The following ARHGAP26 variants were observed in gnomAD, a reference collection of about 807,000 sequenced individuals.
ARHGAP26 encodes Rho GTPase activating protein 26.
ARHGAP26 carries 38 observed loss-of-function variants against 104.8 expected under a neutral mutation model. The observed-to-expected ratio is 0.36, with a 90% confidence interval of 0.28 to 0.48. The LOEUF (loss-of-function observed/expected upper bound fraction) is 0.48. Ranked by LOEUF, ARHGAP26 falls within the 20% of genes least tolerant of loss-of-function variation. ARHGAP26 has a pLI of 0.99. For synonymous variants in ARHGAP26, 341 were observed against 340.0 expected (o/e 1.00, Z -0.03); for missense variants, 704 against 947.9 (o/e 0.74, Z 3.38).
At chr5:142,798,297 C>T (rs1490561332) in intron 1 of ARHGAP26, among the ~76,000 whole-genome samples, 1 of 152,216 alleles carries the variant, frequency 6.6e-6, no homozygotes, top group East Asian at 1.9e-4. Flanking sequence ...TGCTCATGTG[C>T]CTCCTCTATC....
Position 143,222,355 on chromosome 5 carries a change from C to T in ARHGAP26, c.2192-3C>T, listed in dbSNP as rs1367674023. The T allele has an allele frequency of 1.3e-6, 2 of 1,589,364 alleles. No homozygotes were observed. Among genetic ancestry groups the T allele is most frequent in the East Asian group, 4.5e-5 (2 of 44,610 alleles). On this transcript the variant is annotated splice_polypyrimidine_tract_variant and splice_region_variant and intron_variant, in intron 22 of 22. Coordinates refer to ENST00000645722, the MANE Select transcript of ARHGAP26 (RefSeq NM_001135608.3). ...TCTCGCTTTCTCTCCCCTTCCTGTACAGTTCACCCATCTCAGGAGCCTGGC... is the reference window on the plus strand; with the variant it reads ...TCTCGCTTTCTCTCCCCTTCCTGTATAGTTCACCCATCTCAGGAGCCTGGC...
At position 143,226,588 on chromosome 5, in the gene ARHGAP26, A is replaced by T. The variant is rs563215184; in HGVS notation, c.*4142A>T. 24 of 208,508 alleles carry T rather than the reference A, an allele frequency of 1.2e-4. No homozygotes were observed. In the South Asian group the frequency reaches 4.1e-3, roughly 36 times the overall value. The allele number at this position is 208,508 out of a possible 1,614,324, so 12.9% of individuals were successfully genotyped here. ...AACCCTGACTTGCTCAAGACAGAAGATCTTTTCTCCTGTTTTTCAAAATAA... is the reference window on the plus strand; with the variant it reads ...AACCCTGACTTGCTCAAGACAGAAGTTCTTTTCTCCTGTTTTTCAAAATAA... On this transcript the variant is annotated 3_prime_UTR_variant, in exon 23 of 23. Transcript: ENST00000645722.
intron 21 of ARHGAP26, chr5:143,207,611 G>A: frequency 1.5e-5 from 16 of 1,077,326 alleles, no homozygotes; most frequent in Non-Finnish European, 1.9e-5. Flanking sequence ...AATCAGCATG[G>A]CATTTTTCAC....
At chr5:143,121,634 G>T (rs1019380122) in intron 18 of ARHGAP26, among the ~76,000 whole-genome samples, 2 of 152,060 alleles carry the variant, frequency 1.3e-5, no homozygotes, top group African/African-American at 4.8e-5. Context: ...TTTATAAATG[G>T]TGTTGTATTT....
chr5:143,025,503 G>A (rs555992924), intron 12 of ARHGAP26, among the ~76,000 whole-genome samples: 1 of 152,320 alleles, frequency 6.6e-6, no homozygotes, highest in East Asian at 1.9e-4. Context: ...TGAGAAATCA[G>A]TGCAAAACCA....
At chr5:142,987,611 A>G (rs1450752306) in intron 11 of ARHGAP26, among the ~76,000 whole-genome samples, 1 of 152,312 alleles carries the variant, frequency 6.6e-6, no homozygotes, top group Middle Eastern at 3.4e-3. Context: ...TTGCCCATTC[A>G]GTATGATATT....
chr5:142,786,581 A>T (rs1313910584), intron 1 of ARHGAP26, among the ~76,000 whole-genome samples: 29 of 151,808 alleles, frequency 1.9e-4, no homozygotes, highest in Admixed American at 1.9e-3. Flanking sequence ...TTCATCCCTG[A>T]TATCTCAGTT....
chr5:143,075,418 C>CTTTT (rs1175712781), intron 17 of ARHGAP26, among the ~76,000 whole-genome samples: 1 of 151,550 alleles, frequency 6.6e-6, no homozygotes. Context: ...TTTTCATTTG[C>CTTTT]TTTTAAGTTT....
At position 142,903,545 on chromosome 5, in the gene ARHGAP26, A is replaced by G; in HGVS notation, c.708A>G (p.Arg236=). 2 of 1,611,862 alleles carry G rather than the reference A, an allele frequency of 1.2e-6. No individual in the cohort carries two copies. Among genetic ancestry groups the G allele is most frequent in the Middle Eastern group, 1.7e-4 (1 of 6,046 alleles). The change falls in exon 8 of 23, where the codon AGA becomes AGG. Residue 236 remains arginine (R), a synonymous_variant. Coordinates refer to ENST00000645722, the MANE Select transcript of ARHGAP26 (RefSeq NM_001135608.3). The part of the protein sequence containing the change: ...TQLTISIQNT[R]NRFEGTRSEV... ...TAAAATTATTTTCATCCTAGACAAG[A>G]AATCGCTTTGAAGGCACTAGATCAG...
At chr5:142,847,103 T>C (rs1465116043) in intron 1 of ARHGAP26, among the ~76,000 whole-genome samples, 1 of 152,168 alleles carries the variant, frequency 6.6e-6, no homozygotes, top group African/African-American at 2.4e-5. Context: ...ACTGTGCCTC[T>C]CTCACCTTCT....
At chr5:143,115,490 A>G (rs138431578) in intron 17 of ARHGAP26, among the ~76,000 whole-genome samples, 176 of 151,946 alleles carry the variant, frequency 1.2e-3, no homozygotes, top group African/African-American at 3.9e-3. Context: ...TCTTTGAAAC[A>G]TAAGTGGAGA....
intron 10 of ARHGAP26, 130 bp from the exon 11 acceptor site, chr5:142,931,917 G>A (rs948359544): frequency 6.4e-5 from 53 of 830,960 alleles, no homozygotes; most frequent in Non-Finnish European, 9.3e-5. Context: ...AAAGCCGAGT[G>A]TTTTGCCCCT....
intron 20 of ARHGAP26, among the ~76,000 whole-genome samples, chr5:143,156,591 T>C (rs1385717544): frequency 6.6e-6 from 1 of 152,198 alleles, no homozygotes; most frequent in South Asian, 2.1e-4. Context: ...TTCTGATACA[T>C]GCTCAAGTCT....
intron 20 of ARHGAP26, among the ~76,000 whole-genome samples, chr5:143,192,837 T>C (rs958292508): frequency 8.5e-5 from 13 of 152,270 alleles, no homozygotes; most frequent in African/African-American, 2.9e-4. Flanking sequence ...TTTTTTTTCA[T>C]GTTAACTTCA....
rs766703274 is a variant in ARHGAP26 at position 143,057,753 on chromosome 5, T to C, written c.1538+6T>C. The C allele has an allele frequency of 4.3e-6, 7 of 1,611,356 alleles. 1 individual carries two copies. In the South Asian group the frequency reaches 7.7e-5, roughly 18 times the overall value. On this transcript the variant is annotated splice_donor_region_variant and intron_variant, in intron 17 of 22. Coordinates refer to ENST00000645722, the MANE Select transcript of ARHGAP26 (RefSeq NM_001135608.3). ...CTCATGAACCACTTGGCAAAGTAGG[T>C]TTAAGACCAATTACTAGCCTTTTTC...
At chr5:143,216,589 C>T in intron 22 of ARHGAP26, 1 of 303,922 alleles carries the variant, frequency 3.3e-6, no homozygotes, top group Non-Finnish European at 6.6e-6. Flanking sequence ...ACATGGTCGT[C>T]ATCATAAATC....
At chr5:142,953,088 C>T (rs996909624) in intron 11 of ARHGAP26, among the ~76,000 whole-genome samples, 1 of 152,166 alleles carries the variant, frequency 6.6e-6, no homozygotes, top group African/African-American at 2.4e-5. Flanking sequence ...CTTGCACTAG[C>T]TAGTCCATGT....
At chr5:142,892,462 A>G (rs1222657821) in intron 5 of ARHGAP26, among the ~76,000 whole-genome samples, 5 of 152,018 alleles carry the variant, frequency 3.3e-5, no homozygotes, top group African/African-American at 1.2e-4. Flanking sequence ...AGAGATACAG[A>G]TAATATCTCT....
At chr5:143,143,116 G>A (rs1217495764) in intron 19 of ARHGAP26, among the ~76,000 whole-genome samples, 1 of 152,078 alleles carries the variant, frequency 6.6e-6, no homozygotes, top group African/African-American at 2.4e-5. Flanking sequence ...TAGGCACCAT[G>A]GAAAGTTGGG....
Sources: gnomAD v4.1 joint callset for allele counts (sites outside exome capture counted in the v4.1 genomes callset) on GRCh38, gnomAD v4.1.1 for gene constraint, MANE v1.5 for transcripts, NCBI Gene and HGNC (gene_info 2026-07-23, HGNC 2026-07-21) for gene names.